The following PCNP variants were observed in gnomAD, a reference collection of about 807,000 sequenced individuals.
PCNP encodes PEST proteolytic signal containing nuclear protein, also known as PEST proteolytic signal-containing nuclear protein.
Under a neutral mutation model 21.8 loss-of-function variants are expected in PCNP, and 6 were observed. The observed-to-expected ratio is 0.28, with a 90% CI of 0.15 to 0.54. The LOEUF (loss-of-function observed/expected upper bound fraction) is 0.54. Among genes scored for constraint, PCNP ranks in the 20% least tolerant of loss-of-function variants. PCNP has a pLI of 0.95. For missense variants in PCNP, 161 were observed against 215.5 expected (o/e 0.75, Z 1.58); for synonymous variants, 67 against 73.2 (o/e 0.92, Z 0.43).
chr3:101,589,851 T>C (rs1454585136), intron 3 of PCNP: 1 of 205,864 alleles, frequency 4.9e-6, no homozygotes, highest in Non-Finnish European at 9.6e-6. Flanking sequence ...TTAACTTTGT[T>C]ACCTCACCTG....
rs1934897347 is a variant in PCNP, at chr3:101,576,472, A to G, written c.64+2193A>G. 4.6e-6 allele frequency: 7 copies of G among 1,521,250 alleles called. No individual in the cohort carries two copies. In the Admixed American group the frequency reaches 1.1e-4, roughly 24 times the overall value. The allele number at this position is 1,521,250 out of a possible 1,614,324, so 94.2% of individuals were successfully genotyped here. On this transcript the variant is annotated intron_variant, in intron 1 of 4. Transcript: ENST00000265260. The stretch of plus-strand genomic sequence containing the variant: ...ATAGGTATATAAACTATTTATTAAC[A>G]GACAAGGCCTACAGACTTATTTCTT...
chr3:101,589,426 T>G (rs1935693072), intron 3 of PCNP, among the ~76,000 whole-genome samples: 1 of 151,932 alleles, frequency 6.6e-6, no homozygotes, highest in Non-Finnish European at 1.5e-5. Context: ...TTTTTTTTCT[T>G]TGAGACAGAG....
chr3:101,574,608 C>T (rs1331844154), intron 1 of PCNP, among the ~76,000 whole-genome samples: 1 of 152,176 alleles, frequency 6.6e-6, no homozygotes, highest in Non-Finnish European at 1.5e-5. Context: ...GCCGCTACCG[C>T]CACACCGGAG....
chr3:101,583,308 A>G (rs987440530), intron 2 of PCNP, among the ~76,000 whole-genome samples: 8 of 152,136 alleles, frequency 5.3e-5, no homozygotes, highest in Admixed American at 2.0e-4. Flanking sequence ...AATACAAAAA[A>G]TTAGCCATGG....
chr3:101,581,154 C>G (rs1576610313), intron 2 of PCNP, among the ~76,000 whole-genome samples: 1 of 152,202 alleles, frequency 6.6e-6, no homozygotes, highest in South Asian at 2.1e-4. Context: ...TTAAAAAATT[C>G]AGTCTGAACA....
chr3:101,577,567 C>G (rs1464815640), intron 1 of PCNP, among the ~76,000 whole-genome samples: 3 of 152,190 alleles, frequency 2.0e-5, no homozygotes, highest in Admixed American at 6.5e-5. Context: ...CTCTGTCGCC[C>G]AAGCTGGAAT....
intron 2 of PCNP, among the ~76,000 whole-genome samples, chr3:101,584,362 C>G (rs72931711): frequency 0.022 from 3,331 of 152,184 alleles, 119 homozygotes; most frequent in African/African-American, 0.077. Context: ...TGGCCTGGAA[C>G]TCCTGGTCTC....
At chr3:101,577,428 A>AT (rs1934980096) in intron 1 of PCNP, among the ~76,000 whole-genome samples, 1 of 152,206 alleles carries the variant, frequency 6.6e-6, no homozygotes, top group African/African-American at 2.4e-5. Context: ...TGCATACTAG[A>AT]GAGGTAGCTC....
chr3:101,577,731 C>G (rs1935002637), intron 1 of PCNP, among the ~76,000 whole-genome samples: 1 of 152,066 alleles, frequency 6.6e-6, no homozygotes, highest in Non-Finnish European at 1.5e-5. Flanking sequence ...GCCATGTTGC[C>G]CAGGCTGGTC....
At chr3:101,588,474 TA>T (rs1480809257) in intron 3 of PCNP, among the ~76,000 whole-genome samples, 1 of 152,212 alleles carries the variant, frequency 6.6e-6, no homozygotes, top group Non-Finnish European at 1.5e-5. Flanking sequence ...CTCATAGATT[TA>T]AAAAACACAT....
intron 3 of PCNP, among the ~76,000 whole-genome samples, chr3:101,586,782 G>C (rs1935550934): frequency 6.6e-6 from 1 of 151,892 alleles, no homozygotes; most frequent in Non-Finnish European, 1.5e-5. Context: ...CAAACTCCTG[G>C]GCTCAAGTGA....
intron 2 of PCNP, 82 bp from the exon 3 acceptor site, chr3:101,585,355 C>T (rs1195405916): frequency 2.5e-6 from 2 of 802,966 alleles, no homozygotes; most frequent in Non-Finnish European, 4.0e-6. Context: ...TTAAATCATT[C>T]AAGATAAATT....
At chr3:101,586,571 T>TGTGTGTGTGTGTGAGAGAGAGA in intron 3 of PCNP, among the ~76,000 whole-genome samples, 19 of 114,140 alleles carry the variant, frequency 1.7e-4, no homozygotes, top group African/African-American at 5.5e-4. Context: ...TGTGTGTGTG[T>TGTGTGTGTGTGTGAGAGAGAGA]GAGAGAGAGA....
chr3:101,574,245 G>T lies in PCNP; in HGVS notation c.30G>T (p.Lys10Asn), dbSNP rs200444775. 8.1e-5 allele frequency: 125 copies of T among 1,549,872 alleles called. 2 individuals are homozygous for T. Among genetic ancestry groups the T allele is most frequent in the South Asian group, 4.5e-4 (38 of 83,888 alleles). ...CGGACGGGAAGGCGGGAGACGAGAA[G>T]CCTGAAAAGTCGCAGCGAGCTGGAG... Reference protein sequence around the residue: MADGKAGDEKPEKSQRAGAA... With the variant: MADGKAGDENPEKSQRAGAA... The change falls in exon 1 of 5, where the codon AAG becomes AAT. Residue 10 changes from lysine to asparagine, a missense_variant. By Grantham distance (94) the Lys-to-Asn change is moderately conservative. Transcript: ENST00000265260.
rs1281567113 is a variant in PCNP at position 101,593,591 on chromosome 3, A to G, written c.*838A>G. 6.6e-6 allele frequency: 1 copy of G among 152,632 alleles called. No individual in the cohort carries two copies. The highest frequency in any genetic ancestry group is 1.5e-5 in the Non-Finnish European group (1 of 68,016). The allele number at this position is 152,632 out of a possible 1,614,324, so 9.5% of individuals were successfully genotyped here. On this transcript the variant is annotated 3_prime_UTR_variant, in exon 5 of 5. Coordinates refer to ENST00000265260, the MANE Select transcript of PCNP (RefSeq NM_020357.3). Reference sequence around the variant, plus strand: ...AAAATTTAAATGTACATATTGCTTAAGTATTTGGCTGTTTTTATTTTTTAA... The same window carrying G: ...AAAATTTAAATGTACATATTGCTTAGGTATTTGGCTGTTTTTATTTTTTAA...
rs180786890 is a variant in PCNP, at chr3:101,588,197, G to T, written c.355-2018G>T. Among the ~76,000 whole-genome samples the T allele has an allele frequency of 6.2e-3, 946 of 152,312 alleles. 4 individuals carry two copies. Among genetic ancestry groups the T allele is most frequent in the Non-Finnish European group, 9.7e-3 (663 of 68,024 alleles). On this transcript the variant is annotated intron_variant, in intron 3 of 4. Transcript: ENST00000265260. ...GAGGCAGGAGAATTGGTTGAACCCGGGGGGTGGAGGTTGCAGTGAGCCGAG... is the reference window on the plus strand; with the variant it reads ...GAGGCAGGAGAATTGGTTGAACCCGTGGGGTGGAGGTTGCAGTGAGCCGAG...
intron 2 of PCNP, among the ~76,000 whole-genome samples, chr3:101,582,454 A>C (rs1935273545): frequency 6.6e-6 from 1 of 152,230 alleles, no homozygotes; most frequent in Admixed American, 6.5e-5. Flanking sequence ...CGTCTCAAAA[A>C]TAGATAAACT....
At chr3:101,576,475 C>T (rs1443336443) in intron 1 of PCNP, 13 of 1,533,658 alleles carry the variant, frequency 8.5e-6, no homozygotes, top group Non-Finnish European at 1.2e-5. Context: ...TATTAACAGA[C>T]AAGGCCTACA....
chr3:101,576,367 T>G, intron 1 of PCNP: 1 of 704,620 alleles, frequency 1.4e-6, no homozygotes, highest in Non-Finnish European at 2.2e-6. Context: ...CCCAAGTAGC[T>G]GGGACTACAG....
Sources: allele counts gnomAD v4.1 joint callset (sites outside exome capture counted in the v4.1 genomes callset), GRCh38; gene constraint gnomAD v4.1.1; transcripts MANE v1.5; gene names NCBI Gene and HGNC (gene_info 2026-07-23, HGNC 2026-07-21).